Variants in CKMT2 observed in about 807,000 individuals in gnomAD.
CKMT2 encodes creatine kinase S-type, mitochondrial.
Under a neutral mutation model 48.9 loss-of-function variants are expected in CKMT2, and 43 were observed. The ratio of observed to expected loss-of-function variants is 0.88; its 90% confidence interval spans 0.69 to 1.13. The LOEUF is 1.13. Among genes scored for constraint, CKMT2 ranks in the 50% most tolerant of loss-of-function variants. The pLI is 0.00. For missense variants in CKMT2, 472 were observed against 555.4 expected, an observed-to-expected ratio of 0.85 and a Z score of 1.51; for synonymous variants, 206 against 213.0, an observed-to-expected ratio of 0.97 and a Z score of 0.29.
intron 5 of CKMT2, 107 bp downstream of exon 5, chr5:81,255,321 T>C: frequency 2.0e-6 from 2 of 1,002,476 alleles, no homozygotes; most frequent in Non-Finnish European, 3.0e-6. Flanking sequence ...AGCTGGGAGC[T>C]TGCTGGGCTC....
At chr5:81,263,407 A>T in intron 8 of CKMT2, 84 bp from the exon 9 acceptor site, 1 of 820,474 alleles carries the variant, frequency 1.2e-6, no homozygotes, top group Non-Finnish European at 1.7e-6. Flanking sequence ...ATCTCTCACT[A>T]TATGTCTTTT....
intron 9 of CKMT2, among the ~76,000 whole-genome samples, chr5:81,264,141 T>C (rs1340982540): frequency 6.6e-6 from 1 of 152,260 alleles, no homozygotes; most frequent in Non-Finnish European, 1.5e-5. Flanking sequence ...TAGATAAGTT[T>C]GTGCTCATAA....
chr5:81,256,988 C>G lies in CKMT2; in HGVS notation c.743C>G (p.Ala248Gly), dbSNP rs1180948315. ...CAGMARDWPD[A>G]RGIWHNYDKT... is the part of the protein sequence containing the mutation. ...GGGATGGCCCGTGACTGGCCAGATG[C>G]CAGGGGAATCTGGTATGGATGCAGC... The change falls in exon 6 of 10, where the codon GCC becomes GGC. Residue 248 changes from alanine (A) to glycine (G), a missense_variant. Coordinates refer to ENST00000254035, the MANE Select transcript of CKMT2 (RefSeq NM_001099735.2). 6.2e-7 allele frequency: 1 copy of G among 1,613,140 alleles called. No individual in the cohort carries two copies. Among genetic ancestry groups the G allele is most frequent in the Non-Finnish European group, 8.5e-7 (1 of 1,179,380 alleles).
At chr5:81,233,932 T>C (rs186093349) in intron 1 of CKMT2, among the ~76,000 whole-genome samples, 1 of 151,686 alleles carries the variant, frequency 6.6e-6, no homozygotes, top group Admixed American at 6.6e-5. Flanking sequence ...GAGATTCAGT[T>C]TTGCCGTCAC....
At chr5:81,248,743 C>T (rs1756696782) in intron 1 of CKMT2, among the ~76,000 whole-genome samples, 1 of 152,190 alleles carries the variant, frequency 6.6e-6, no homozygotes, top group Non-Finnish European at 1.5e-5. Context: ...AATCTGATTT[C>T]CTGGGCTATC....
At chr5:81,255,341 G>C in intron 5 of CKMT2, 127 bp downstream of exon 5, 2 of 782,296 alleles carry the variant, frequency 2.6e-6, no homozygotes, top group Non-Finnish European at 4.2e-6. Flanking sequence ...CCACCCCTGA[G>C]CTCAGCCCAA....
At chr5:81,235,513 G>A (rs960500543) in intron 1 of CKMT2, among the ~76,000 whole-genome samples, 2 of 152,176 alleles carry the variant, frequency 1.3e-5, no homozygotes, top group Admixed American at 6.5e-5. Flanking sequence ...ACACATGGAC[G>A]CTGTGAATGG....
intron 1 of CKMT2, among the ~76,000 whole-genome samples, chr5:81,236,469 T>C (rs1156362270): frequency 1.3e-5 from 2 of 152,160 alleles, no homozygotes; most frequent in African/African-American, 4.8e-5. Context: ...ATGCCCAAAA[T>C]AAAGCATACT....
intron 6 of CKMT2, 78 bp from the exon 7 acceptor site, chr5:81,257,655 G>A (rs969906511): frequency 1.5e-6 from 2 of 1,338,436 alleles, no homozygotes; most frequent in Non-Finnish European, 2.1e-6. Flanking sequence ...AAGCAATCAA[G>A]CTAGGGAGGT....
At chr5:81,249,788 A>C (rs188628546) in intron 1 of CKMT2, among the ~76,000 whole-genome samples, 2 of 152,200 alleles carry the variant, frequency 1.3e-5, no homozygotes, top group Non-Finnish European at 2.9e-5. Context: ...CTAGTTCCCC[A>C]GTTCTAGGGT....
chr5:81,262,187 A>T (rs1757246177), intron 8 of CKMT2, among the ~76,000 whole-genome samples: 1 of 152,246 alleles, frequency 6.6e-6, no homozygotes. Context: ...TACAAAAAGT[A>T]ACTCAAGATG....
chr5:81,257,817 G>C lies in CKMT2; in HGVS notation c.840G>C (p.Met280Ile). The C allele has an allele frequency of 6.2e-7, 1 of 1,613,798 alleles. No homozygotes were observed. Among genetic ancestry groups the C allele is most frequent in the South Asian group, 1.1e-5 (1 of 91,072 alleles). Residue 280 changes from methionine (M) to isoleucine (I), a missense_variant, in exon 7 of 10, where the codon ATG (methionine) becomes ATC (isoleucine). By Grantham distance (10) the Met-to-Ile change is conservative. Coordinates refer to ENST00000254035, the MANE Select transcript of CKMT2 (RefSeq NM_001099735.2). ...RVISMEKGGN[M>I]KRVFERFCRG... ...TCTCAATGGAAAAAGGAGGCAATAT[G>C]AAACGAGTATTTGAGCGATTCTGTC...
chr5:81,235,751 C>G (rs1465446363), intron 1 of CKMT2: 1 of 152,184 alleles, frequency 6.6e-6, no homozygotes, highest in African/African-American at 2.4e-5. Context: ...AACAAAAGGG[C>G]TTGATGTAGC....
At chr5:81,250,022 TGTCTC>T (rs771987172) in intron 1 of CKMT2, among the ~76,000 whole-genome samples, 8 of 152,246 alleles carry the variant, frequency 5.3e-5, no homozygotes, top group Non-Finnish European at 1.2e-4. Context: ...GTTTTAAAAA[TGTCTC>T]AGCCATTCCT....
chr5:81,251,658 C>A (rs1437357636), intron 2 of CKMT2, among the ~76,000 whole-genome samples: 3 of 152,126 alleles, frequency 2.0e-5, no homozygotes, highest in Non-Finnish European at 2.9e-5. Context: ...CTTTCCCCTG[C>A]TGGAAACTGT....
intron 1 of CKMT2, among the ~76,000 whole-genome samples, chr5:81,237,288 C>T (rs926755790): frequency 6.6e-6 from 1 of 152,108 alleles, no homozygotes; most frequent in Admixed American, 6.5e-5. Flanking sequence ...GCCTTAGGGT[C>T]ATCAGGGGAA....
At chr5:81,237,150 A>G (rs142434605) in intron 1 of CKMT2, among the ~76,000 whole-genome samples, 37 of 152,352 alleles carry the variant, frequency 2.4e-4, no homozygotes, top group African/African-American at 8.7e-4. Flanking sequence ...CTCTTTCTCA[A>G]ATTAAATGAA....
chr5:81,244,452 G>A (rs971334119), intron 1 of CKMT2, among the ~76,000 whole-genome samples: 1 of 152,122 alleles, frequency 6.6e-6, no homozygotes, highest in African/African-American at 2.4e-5. Flanking sequence ...CATCTGCCAG[G>A]GATTTCCAGA....
intron 1 of CKMT2, among the ~76,000 whole-genome samples, chr5:81,241,003 A>G (rs1189917291): frequency 6.6e-6 from 1 of 152,158 alleles, no homozygotes; most frequent in African/African-American, 2.4e-5. Context: ...ACATTCATTC[A>G]CTTACTCATC....
Sources: gnomAD v4.1 joint callset for allele counts (sites outside exome capture counted in the v4.1 genomes callset) on GRCh38, gnomAD v4.1.1 for gene constraint, MANE v1.5 for transcripts, NCBI Gene and HGNC (gene_info 2026-07-23, HGNC 2026-07-21) for gene names.